ITGA8: variants seen among roughly 807,000 people sequenced by gnomAD.
The protein encoded by ITGA8 is integrin alpha-8.
ITGA8 carries 91 observed loss-of-function variants against 142.3 expected under a neutral mutation model. The ratio of observed to expected loss-of-function variants is 0.64; its 90% CI spans 0.54 to 0.76. The LOEUF (loss-of-function observed/expected upper bound fraction) is 0.76. Ranked by LOEUF, ITGA8 falls within the 30% of genes least tolerant of loss-of-function variation. ITGA8 has a pLI of 0.00. For synonymous variants in ITGA8, 505 were observed against 485.2 expected (o/e 1.04, Z -0.54); for missense variants, 1,406 against 1,327.7 (o/e 1.06, Z -0.92).
At chr10:15,717,596 A>G (rs1269698272) in intron 2 of ITGA8, among the ~76,000 whole-genome samples, 9 of 152,238 alleles carry the variant, frequency 5.9e-5, no homozygotes, top group African/African-American at 2.2e-4. Context: ...CAGAATATTT[A>G]ATAAAATGAT....
intron 25 of ITGA8, among the ~76,000 whole-genome samples, chr10:15,564,312 A>C (rs1834035336): frequency 6.6e-6 from 1 of 152,176 alleles, no homozygotes; most frequent in Admixed American, 6.5e-5. Context: ...GTTAAAGCCC[A>C]TTTTCTACAT....
chr10:15,537,391 C>T (rs963338139), intron 27 of ITGA8, among the ~76,000 whole-genome samples: 26 of 152,152 alleles, frequency 1.7e-4, no homozygotes, highest in Admixed American at 1.6e-3. Context: ...GAGCACACAG[C>T]GAATTGTACC....
chr10:15,603,820 C>T (rs142986287), intron 20 of ITGA8, among the ~76,000 whole-genome samples: 1,893 of 152,240 alleles, frequency 0.012, 30 homozygotes, highest in Middle Eastern at 0.061. Flanking sequence ...TAACCAATAA[C>T]GAAAACCAGG....
intron 29 of ITGA8, among the ~76,000 whole-genome samples, chr10:15,518,497 GGTCTATTA>G (rs1833003261): frequency 6.6e-6 from 1 of 152,198 alleles, no homozygotes; most frequent in Admixed American, 6.5e-5. Flanking sequence ...TCAGTTTATA[GGTCTATTA>G]GTCATGCTGC....
At chr10:15,665,191 T>A (rs540226877) in intron 8 of ITGA8, among the ~76,000 whole-genome samples, 1 of 152,328 alleles carries the variant, frequency 6.6e-6, no homozygotes, top group African/African-American at 2.4e-5. Flanking sequence ...TTTCCTGACT[T>A]GTTAATGATC....
At chr10:15,604,397 CTTG>C (rs1564370671) in intron 19 of ITGA8, 42 bp from the exon 20 acceptor site, 1 of 1,505,276 alleles carries the variant, frequency 6.6e-7, no homozygotes, top group Admixed American at 2.2e-5. Flanking sequence ...TACTCTACTT[CTTG>C]GCTTCGTGAA....
At chr10:15,669,751 G>A (rs1021272986) in intron 8 of ITGA8, among the ~76,000 whole-genome samples, 1 of 152,162 alleles carries the variant, frequency 6.6e-6, no homozygotes, top group Non-Finnish European at 1.5e-5. Context: ...CTCAGCTGCA[G>A]GTCTGTTGGA....
intron 2 of ITGA8, among the ~76,000 whole-genome samples, chr10:15,701,668 T>G (rs1835167609): frequency 6.6e-6 from 1 of 152,172 alleles, no homozygotes; most frequent in Non-Finnish European, 1.5e-5. Flanking sequence ...CTCACACAGG[T>G]GTGACCAAAC....
chr10:15,631,761 A>G (rs1265127258), intron 13 of ITGA8, among the ~76,000 whole-genome samples: 1 of 151,658 alleles, frequency 6.6e-6, no homozygotes, highest in Non-Finnish European at 1.5e-5. Flanking sequence ...CTATGGCACA[A>G]TTGATAGCAC....
At chr10:15,564,169 G>A (rs940293183) in intron 25 of ITGA8, among the ~76,000 whole-genome samples, 3 of 152,182 alleles carry the variant, frequency 2.0e-5, no homozygotes, top group Non-Finnish European at 4.4e-5. Flanking sequence ...ATAGAGGAAT[G>A]CCACTCTTAA....
Position 15,672,730 on chromosome 10 carries a change from A to G in ITGA8, c.696T>C (p.Ser232=). The G allele has an allele frequency of 6.2e-7, 1 of 1,610,850 alleles. No individual in the cohort carries two copies. Reference sequence around the variant, plus strand: ...AGTAATTTGCAATGATATCTGCAACACTGGCAGTGATCACTTGTCCTGTGT... The same window carrying G: ...AGTAATTTGCAATGATATCTGCAACGCTGGCAGTGATCACTTGTCCTGTGT... ...FYWQGQVITA[S]VADIIANYSF... The change falls in exon 7 of 30, where the codon AGT becomes AGC. Residue 232 remains serine (S), a synonymous_variant. Transcript: ENST00000378076.
At chr10:15,553,076 G>A (rs962478925) in intron 26 of ITGA8, among the ~76,000 whole-genome samples, 1 of 152,002 alleles carries the variant, frequency 6.6e-6, no homozygotes, top group African/African-American at 2.4e-5. Flanking sequence ...GGCCAATGTG[G>A]TGAAACCCCA....
In ITGA8 at chr10:15,517,220, G is replaced by A; in HGVS notation, c.3130C>T (p.Pro1044Ser). Residue 1044 changes from proline to serine, a missense_variant, in exon 30 of 30, where the codon CCT becomes TCT. Physicochemically the swap from Pro to Ser is moderately conservative, Grantham distance 74 (BLOSUM62 -1). Transcript: ENST00000378076. ...CTGTCGGTCATGTCCTCCTGAGGAGGTCTGGCTCTGTCAAAGAATCCACAC... is the reference window on the plus strand; with the variant it reads ...CTGTCGGTCATGTCCTCCTGAGGAGATCTGGCTCTGTCAAAGAATCCACAC... ...WKCGFFDRAR[P>S]PQEDMTDREQ... 1.2e-6 allele frequency: 2 copies of A among 1,612,970 alleles called. No individual in the cohort carries two copies. Among genetic ancestry groups the A allele is most frequent in the African/African-American group, 2.7e-5 (2 of 74,964 alleles).
At chr10:15,625,089 A>T (rs1027976674) in intron 13 of ITGA8, among the ~76,000 whole-genome samples, 4 of 152,202 alleles carry the variant, frequency 2.6e-5, no homozygotes, top group Non-Finnish European at 4.4e-5. Context: ...GTTTGAAAAA[A>T]AAAAAGCATG....
chr10:15,645,847 G>T (rs967744694), intron 12 of ITGA8, among the ~76,000 whole-genome samples: 1 of 152,086 alleles, frequency 6.6e-6, no homozygotes, highest in Non-Finnish European at 1.5e-5. Context: ...GTTTTTCTGA[G>T]GAGAGGGTAC....
At position 15,581,950 on chromosome 10, in the gene ITGA8, A is replaced by C. The variant is rs1270686704; in HGVS notation, c.2372+4634T>G. ...CAAATGGCACTAGGTATTCATGTGT[A>C]AAAGTGGGCCAGGTACGGTGGCTCA... On this transcript the variant is annotated intron_variant, in intron 23 of 29. Transcript: ENST00000378076. Among the ~76,000 whole-genome samples, 4 of 152,320 alleles carry C rather than the reference A, an allele frequency of 2.6e-5. No homozygotes were observed. In the East Asian group the frequency reaches 7.7e-4, roughly 29 times the overall value.
At chr10:15,628,673 C>G (rs1259478781) in intron 13 of ITGA8, among the ~76,000 whole-genome samples, 1 of 151,758 alleles carries the variant, frequency 6.6e-6, no homozygotes, top group Admixed American at 6.6e-5. Flanking sequence ...AGAACCCTCT[C>G]TTGGGGTCTG....
At chr10:15,656,239 A>G (rs527785616) in intron 10 of ITGA8, among the ~76,000 whole-genome samples, 5 of 152,320 alleles carry the variant, frequency 3.3e-5, no homozygotes, top group South Asian at 2.1e-4. Flanking sequence ...AAGCATAAAA[A>G]GTTTTCATGT....
intron 28 of ITGA8, among the ~76,000 whole-genome samples, chr10:15,522,759 C>T (rs1410158273): frequency 6.6e-6 from 1 of 152,210 alleles, no homozygotes; most frequent in Non-Finnish European, 1.5e-5. Flanking sequence ...TGCCTGTAAT[C>T]CCAGCACTTT....
Sources: allele counts gnomAD v4.1 joint callset (sites outside exome capture counted in the v4.1 genomes callset), GRCh38; gene constraint gnomAD v4.1.1; transcripts MANE v1.5; gene names NCBI Gene and HGNC (gene_info 2026-07-23, HGNC 2026-07-21).